MAN1C1: variants seen among roughly 807,000 people sequenced by gnomAD.
The protein encoded by MAN1C1 is mannosyl-oligosaccharide 1,2-alpha-mannosidase IC.
MAN1C1 carries 49 observed loss-of-function variants against 71.5 expected under a neutral mutation model. That is an observed-to-expected ratio of 0.69 (90% CI 0.54 to 0.87). The LOEUF (loss-of-function observed/expected upper bound fraction) is 0.87. Among genes scored for constraint, MAN1C1 ranks in the 40% least tolerant of loss-of-function variants. MAN1C1 has a pLI of 0.00. For synonymous variants in MAN1C1, 352 were observed against 343.7 expected, an observed-to-expected ratio of 1.02 and a Z score of -0.27; for missense variants, 743 against 835.0, an observed-to-expected ratio of 0.89 and a Z score of 1.36.
At chr1:25,754,318 G>A (rs947107479) in intron 5 of MAN1C1, among the ~76,000 whole-genome samples, 2 of 152,198 alleles carry the variant, frequency 1.3e-5, no homozygotes, top group African/African-American at 4.8e-5. Flanking sequence ...CTGTCTGGGA[G>A]GGGAGGCAGG....
intron 2 of MAN1C1, among the ~76,000 whole-genome samples, chr1:25,687,803 A>G (rs1272806392): frequency 6.6e-6 from 1 of 152,116 alleles, no homozygotes; most frequent in African/African-American, 2.4e-5. Context: ...GTATGGGGGA[A>G]AAGGAAAGTA....
chr1:25,651,465 T>G (rs2045691650), intron 1 of MAN1C1, among the ~76,000 whole-genome samples: 1 of 152,166 alleles, frequency 6.6e-6, no homozygotes, highest in African/African-American at 2.4e-5. Flanking sequence ...CATTCTGCCC[T>G]GGTCATGTGT....
chr1:25,727,182 C>T (rs2046843486), intron 2 of MAN1C1, among the ~76,000 whole-genome samples: 1 of 152,202 alleles, frequency 6.6e-6, no homozygotes, highest in Non-Finnish European at 1.5e-5. Context: ...AGCTGGATGA[C>T]CTTAGGCACT....
chr1:25,676,023 A>G (rs1309926649), intron 1 of MAN1C1, among the ~76,000 whole-genome samples: 1 of 152,150 alleles, frequency 6.6e-6, no homozygotes, highest in African/African-American at 2.4e-5. Context: ...GGAGAGTGGA[A>G]CTGAGGTACT....
Position 25,686,493 on chromosome 1 carries a change from A to G in MAN1C1, c.594A>G (p.Glu198=). The G allele has an allele frequency of 6.2e-7, 1 of 1,614,136 alleles. No individual in the cohort carries two copies. Residue 198 remains glutamate, a synonymous_variant, in exon 2 of 12, where the codon GAA becomes GAG. Coordinates refer to ENST00000374332, the MANE Select transcript of MAN1C1 (RefSeq NM_020379.4). ...AGCGTTATGCAATGGGGAAAAACGAACTCCGTCCACTAACAAAAGATGGCT... is the reference window on the plus strand; with the variant it reads ...AGCGTTATGCAATGGGGAAAAACGAGCTCCGTCCACTAACAAAAGATGGCT... The part of the protein sequence containing the change: ...SYKRYAMGKN[E]LRPLTKDGYE...
chr1:25,778,141 G>A lies in MAN1C1; in HGVS notation c.1294G>A (p.Gly432Arg), dbSNP rs146251276. ...ETYLLNVSPGGLTYIAEWRGG... is the reference protein window; with the variant it reads ...ETYLLNVSPGRLTYIAEWRGG... The stretch of plus-strand genomic sequence containing the variant: ...CTACTTGCTGAATGTCTCTCCCGGG[G>A]GGCTGACCTACATTGCCGAGTGGCG... The change falls in exon 9 of 12, where the codon GGG becomes AGG. Residue 432 changes from glycine to arginine, a missense_variant. By Grantham distance (125) the Gly-to-Arg change is moderately radical. Coordinates refer to ENST00000374332, the MANE Select transcript of MAN1C1 (RefSeq NM_020379.4). This position sits in a 1 kb window ranked among gnomAD's most constrained non-coding sequence, Gnocchi z 5.5. 6 of 1,594,386 alleles carry A rather than the reference G, an allele frequency of 3.8e-6. No homozygotes were observed. Among genetic ancestry groups the A allele is most frequent in the Non-Finnish European group, 4.3e-6 (5 of 1,167,960 alleles).
chr1:25,747,694 T>G (rs1207328143), intron 3 of MAN1C1, among the ~76,000 whole-genome samples: 2 of 152,132 alleles, frequency 1.3e-5, no homozygotes, highest in Non-Finnish European at 2.9e-5. Flanking sequence ...CGCAACACTT[T>G]AGGGGAGCTT....
intron 1 of MAN1C1, among the ~76,000 whole-genome samples, chr1:25,665,262 C>T (rs932248408): frequency 1.3e-5 from 2 of 152,168 alleles, no homozygotes; most frequent in Non-Finnish European, 2.9e-5. Context: ...CTGAGACACA[C>T]GTACACATGT....
At chr1:25,758,813 A>G (rs2047324059) in intron 6 of MAN1C1, 104 bp downstream of exon 6, 2 of 1,051,454 alleles carry the variant, frequency 1.9e-6, no homozygotes, top group East Asian at 2.4e-5. Context: ...GATCAGCAGG[A>G]GGGCAGTGGG....
chr1:25,675,643 T>C (rs1370752428), intron 1 of MAN1C1, among the ~76,000 whole-genome samples: 1 of 151,638 alleles, frequency 6.6e-6, no homozygotes, highest in Non-Finnish European at 1.5e-5. Flanking sequence ...ATAGTTCTAC[T>C]TTTAGTTCTT....
At position 25,634,310 on chromosome 1, in the gene MAN1C1, C is replaced by T. The variant is rs918703428; in HGVS notation, c.540+15973C>T. Among the ~76,000 whole-genome samples the T allele has an allele frequency of 5.9e-5, 9 of 152,156 alleles. No individual in the cohort carries two copies. Among genetic ancestry groups the T allele is most frequent in the East Asian group, 1.9e-4 (1 of 5,178 alleles). On this transcript the variant is annotated intron_variant, in intron 1 of 11. Coordinates refer to ENST00000374332, the MANE Select transcript of MAN1C1 (RefSeq NM_020379.4). The surrounding 1 kb of genome is among the most constrained non-coding windows in gnomAD (Gnocchi z 4.6). Reference sequence around the variant, plus strand: ...GACATCTTTGCCTTGTTCTTGATCTCGAGGGAAAAGCAGCCAGTCTTTCAT... The same window carrying T: ...GACATCTTTGCCTTGTTCTTGATCTTGAGGGAAAAGCAGCCAGTCTTTCAT...
chr1:25,720,365 C>A (rs1385497570), intron 2 of MAN1C1, among the ~76,000 whole-genome samples: 1 of 152,064 alleles, frequency 6.6e-6, no homozygotes, highest in East Asian at 1.9e-4. Context: ...CACGCACCGC[C>A]ATGCCCGGCT....
At chr1:25,768,650 A>C (rs111068012) in intron 7 of MAN1C1, among the ~76,000 whole-genome samples, 31,969 of 55,520 alleles carry the variant, frequency 0.58, 9,864 homozygotes, top group Middle Eastern at 0.77. Flanking sequence ...ACACTCCCCC[A>C]CACACACAGA....
chr1:25,768,243 C>T (rs1572207619), intron 7 of MAN1C1, among the ~76,000 whole-genome samples: 7 of 56,144 alleles, frequency 1.2e-4, no homozygotes, highest in Non-Finnish European at 1.8e-4. Context: ...TCCCCTCACA[C>T]ACATCCACAC....
intron 1 of MAN1C1, among the ~76,000 whole-genome samples, chr1:25,674,102 T>A (rs566554005): frequency 6.6e-6 from 1 of 152,210 alleles, no homozygotes; most frequent in African/African-American, 2.4e-5. Flanking sequence ...TTTGGTGGCC[T>A]TCTCTGTGCA....
intron 6 of MAN1C1, 28 bp from the exon 7 acceptor site, chr1:25,763,846 G>A: frequency 6.3e-7 from 1 of 1,598,654 alleles, no homozygotes; most frequent in Non-Finnish European, 8.6e-7. Flanking sequence ...GAAGCATGAA[G>A]GCTCACCTGG....
At chr1:25,734,481 C>T (rs1236909602) in intron 2 of MAN1C1, among the ~76,000 whole-genome samples, 1 of 151,934 alleles carries the variant, frequency 6.6e-6, no homozygotes, top group African/African-American at 2.4e-5. Context: ...CAGTGCCAGG[C>T]AAAAAAGGAT....
At chr1:25,653,107 T>A (rs1250213902) in intron 1 of MAN1C1, among the ~76,000 whole-genome samples, 1 of 151,888 alleles carries the variant, frequency 6.6e-6, no homozygotes, top group Non-Finnish European at 1.5e-5. Flanking sequence ...TGAAACAAGG[T>A]CTCACTGTTT....
At chr1:25,629,613 G>T (rs867811388) in intron 1 of MAN1C1, among the ~76,000 whole-genome samples, 2 of 152,034 alleles carry the variant, frequency 1.3e-5, no homozygotes, top group African/African-American at 4.8e-5. Flanking sequence ...TAGAGACAGG[G>T]TTTCACCATA....
Sources: allele counts gnomAD v4.1 joint callset (sites outside exome capture counted in the v4.1 genomes callset), GRCh38; gene constraint gnomAD v4.1.1; non-coding constraint Gnocchi (gnomAD v3.1); transcripts MANE v1.5; gene names NCBI Gene and HGNC (gene_info 2026-07-23, HGNC 2026-07-21).